EFNA5: variants seen among roughly 807,000 people sequenced by gnomAD.
EFNA5 encodes the protein ephrin-A5.
In EFNA5, 5 loss-of-function variants were observed where a neutral mutation model predicts 22.9. That is an observed-to-expected ratio of 0.22 (90% confidence interval 0.11 to 0.46). EFNA5 has a LOEUF of 0.46. EFNA5 is among the 20% of genes least tolerant of loss of function. The pLI is 0.99. For missense variants in EFNA5, 237 were observed against 293.3 expected, an observed-to-expected ratio of 0.81 and a Z score of 1.40; for synonymous variants, 113 against 112.2, an observed-to-expected ratio of 1.01 and a Z score of -0.04.
intron 1 of EFNA5, among the ~76,000 whole-genome samples, chr5:107,598,739 A>G (rs1749528158): frequency 6.6e-6 from 1 of 152,152 alleles, no homozygotes. Context: ...AGTTATATTT[A>G]AATTCTCTAC....
intron 1 of EFNA5, among the ~76,000 whole-genome samples, chr5:107,606,952 ATTC>A (rs941840328): frequency 6.6e-6 from 1 of 152,162 alleles, no homozygotes; most frequent in Admixed American, 6.5e-5. Context: ...ACAAATCTGT[ATTC>A]TCCTATCCTA....
intron 1 of EFNA5, among the ~76,000 whole-genome samples, chr5:107,601,929 T>C (rs1301455801): frequency 6.6e-6 from 1 of 152,232 alleles, no homozygotes. Flanking sequence ...ACCTATGTTT[T>C]TGGAGTCTTT....
chr5:107,490,205 A>G (rs1746763459), intron 1 of EFNA5, among the ~76,000 whole-genome samples: 1 of 152,164 alleles, frequency 6.6e-6, no homozygotes, highest in African/African-American at 2.4e-5. Context: ...CTAGACTCAG[A>G]GAAGTTGGTA....
chr5:107,530,576 G>T (rs1347420098), intron 1 of EFNA5, among the ~76,000 whole-genome samples: 1 of 152,130 alleles, frequency 6.6e-6, no homozygotes, highest in Non-Finnish European at 1.5e-5. Flanking sequence ...AGAAAATATT[G>T]AAAAATTTGG....
chr5:107,554,004 T>C (rs1580527325), intron 1 of EFNA5, among the ~76,000 whole-genome samples: 1 of 152,330 alleles, frequency 6.6e-6, no homozygotes, highest in South Asian at 2.1e-4. Flanking sequence ...AAATATCTGA[T>C]ACTTTACAAA....
intron 1 of EFNA5, among the ~76,000 whole-genome samples, chr5:107,590,393 T>C (rs1264193701): frequency 2.7e-5 from 4 of 148,392 alleles, no homozygotes; most frequent in East Asian, 2.0e-4. Context: ...GATATAGACA[T>C]AATTTTTTTT....
At chr5:107,627,499 G>A (rs185267030) in intron 1 of EFNA5, among the ~76,000 whole-genome samples, 2 of 152,146 alleles carry the variant, frequency 1.3e-5, no homozygotes, top group East Asian at 1.9e-4. Context: ...CATCAGATGC[G>A]GTGGCACGGG....
chr5:107,657,633 C>A (rs1011720315), intron 1 of EFNA5, among the ~76,000 whole-genome samples: 4 of 152,000 alleles, frequency 2.6e-5, no homozygotes, highest in Admixed American at 2.0e-4. Context: ...GTAAAAATTT[C>A]TTTTTAAAAT....
chr5:107,574,096 C>A (rs1748873443), intron 1 of EFNA5, among the ~76,000 whole-genome samples: 1 of 152,196 alleles, frequency 6.6e-6, no homozygotes, highest in Non-Finnish European at 1.5e-5. Context: ...AGGCTCACTA[C>A]TATTTTATTT....
intron 1 of EFNA5, among the ~76,000 whole-genome samples, chr5:107,435,275 G>A (rs1235495513): frequency 6.8e-6 from 1 of 146,444 alleles, no homozygotes; most frequent in Non-Finnish European, 1.5e-5. Flanking sequence ...AGCACAGAAT[G>A]CAAGCCTTAT....
chr5:107,624,730 T>C (rs1750111049), intron 1 of EFNA5, among the ~76,000 whole-genome samples: 1 of 152,088 alleles, frequency 6.6e-6, no homozygotes, highest in Non-Finnish European at 1.5e-5. Context: ...CAAATAACCT[T>C]AGCTAATTCC....
chr5:107,523,822 G>A (rs1314426670), intron 1 of EFNA5, among the ~76,000 whole-genome samples: 3 of 152,146 alleles, frequency 2.0e-5, no homozygotes, highest in African/African-American at 7.2e-5. Context: ...AGCTGGTAGG[G>A]AAGAATGACA....
At chr5:107,555,364 T>A (rs1318202062) in intron 1 of EFNA5, among the ~76,000 whole-genome samples, 1 of 152,252 alleles carries the variant, frequency 6.6e-6, no homozygotes, top group Non-Finnish European at 1.5e-5. Flanking sequence ...GTTCAACCAT[T>A]TTTTAGTGCT....
chr5:107,425,077 T>C (rs1748774933), intron 2 of EFNA5, among the ~76,000 whole-genome samples: 1 of 152,212 alleles, frequency 6.6e-6, no homozygotes, highest in South Asian at 2.1e-4. Context: ...TTGGAACAAT[T>C]ACTTTGACGG....
intron 1 of EFNA5, among the ~76,000 whole-genome samples, chr5:107,588,489 A>G (rs915761326): frequency 1.1e-4 from 16 of 152,350 alleles, no homozygotes; most frequent in Admixed American, 7.2e-4. Context: ...GAGTTTCATC[A>G]GGCCATCCTG....
intron 1 of EFNA5, among the ~76,000 whole-genome samples, chr5:107,432,743 A>C (rs1334045657): frequency 6.6e-6 from 1 of 152,196 alleles, no homozygotes; most frequent in Non-Finnish European, 1.5e-5. Context: ...AGAAGGCTGC[A>C]TGGCCACTTA....
intron 1 of EFNA5, among the ~76,000 whole-genome samples, chr5:107,439,601 C>T (rs1019683892): frequency 2.0e-5 from 3 of 152,290 alleles, no homozygotes; most frequent in Admixed American, 6.5e-5. Context: ...TGATACCCTG[C>T]ACATGGGAGA....
chr5:107,586,470 G>A (rs1272713329), intron 1 of EFNA5, among the ~76,000 whole-genome samples: 3 of 152,172 alleles, frequency 2.0e-5, no homozygotes, highest in Non-Finnish European at 4.4e-5. Flanking sequence ...TGAACAGAGG[G>A]TAAAAATGTA....
intron 1 of EFNA5, among the ~76,000 whole-genome samples, chr5:107,638,266 C>T (rs540807006): frequency 2.6e-5 from 4 of 152,024 alleles, no homozygotes; most frequent in East Asian, 1.9e-4. Context: ...TACAACACCG[C>T]GTGATCTCAC....
Sources: gnomAD v4.1 joint callset for allele counts (sites outside exome capture counted in the v4.1 genomes callset) on GRCh38, gnomAD v4.1.1 for gene constraint, MANE v1.5 for transcripts, NCBI Gene and HGNC (gene_info 2026-07-23, HGNC 2026-07-21) for gene names.